S100Z: variants seen among roughly 807,000 people sequenced by gnomAD.
The protein encoded by S100Z is S100 calcium binding protein Z, also known as protein S100-Z.
Under a neutral mutation model 8.5 loss-of-function variants are expected in S100Z, and 11 were observed. That is an observed-to-expected ratio of 1.30 (90% confidence interval 0.82 to 2.15). The LOEUF is 2.15. Among genes scored for constraint, S100Z ranks in the 30% most tolerant of loss-of-function variants. The pLI is 0.00. For missense variants in S100Z, 126 were observed against 117.9 expected (o/e 1.07, Z -0.32); for synonymous variants, 34 against 43.8 (o/e 0.78, Z 0.89).
At chr5:76,866,115 T>TGCTCTGTCACCCAG (rs540182263) in intron 1 of S100Z, among the ~76,000 whole-genome samples, 2,837 of 151,840 alleles carry the variant, frequency 0.019, 96 homozygotes, top group African/African-American at 0.065. Flanking sequence ...GACAGGGTGT[T>TGCTCTGTCACCCAG]GCTCTGTCAC....
At chr5:76,866,352 T>C (rs13160667) in intron 1 of S100Z, among the ~76,000 whole-genome samples, 62,881 of 151,932 alleles carry the variant, frequency 0.41, 13,317 homozygotes, top group East Asian at 0.67. Flanking sequence ...CCCCAAGTGC[T>C]AGGATTACAG....
At chr5:76,856,593 C>G (rs1468822426) in intron 1 of S100Z, among the ~76,000 whole-genome samples, 1 of 152,190 alleles carries the variant, frequency 6.6e-6, no homozygotes, top group Non-Finnish European at 1.5e-5. Context: ...AGTATTGTAA[C>G]TAGTATAGCC....
the S100Z span, among the ~76,000 whole-genome samples, chr5:76,948,619 C>G: frequency 6.6e-6 from 1 of 151,906 alleles, no homozygotes; most frequent in African/African-American, 2.4e-5. Context: ...AAATCAAATC[C>G]ACGACGAGAC....
chr5:76,858,251 G>A (rs1403859264), intron 1 of S100Z, among the ~76,000 whole-genome samples: 1 of 152,124 alleles, frequency 6.6e-6, no homozygotes, highest in Non-Finnish European at 1.5e-5. Context: ...GGCTAAGTGC[G>A]GTGGCTCACA....
chr5:76,920,056 C>T (rs1286583202), intron 4 of S100Z, among the ~76,000 whole-genome samples: 3 of 151,900 alleles, frequency 2.0e-5, no homozygotes, highest in Non-Finnish European at 2.9e-5. Context: ...ATTACAGGTG[C>T]CCACCACCAT....
intron 4 of S100Z, among the ~76,000 whole-genome samples, chr5:76,896,043 C>T (rs909326553): frequency 2.0e-5 from 3 of 152,084 alleles, no homozygotes; most frequent in African/African-American, 7.2e-5. Context: ...ATTACAGGTG[C>T]GAGCCACCAG....
At chr5:76,865,940 G>A (rs989858987) in intron 1 of S100Z, among the ~76,000 whole-genome samples, 4 of 151,126 alleles carry the variant, frequency 2.6e-5, no homozygotes, top group African/African-American at 4.9e-5. Context: ...ACTTGAACCC[G>A]GGAAGCAGAG....
chr5:76,878,415 C>T (rs1743276929), intron 4 of S100Z, among the ~76,000 whole-genome samples: 1 of 152,186 alleles, frequency 6.6e-6, no homozygotes, highest in Non-Finnish European at 1.5e-5. Flanking sequence ...TCCTTTGCCC[C>T]TTGGGTTGGA....
At chr5:76,850,845 G>GT (rs1175511278) in intron 1 of S100Z, among the ~76,000 whole-genome samples, 7 of 152,068 alleles carry the variant, frequency 4.6e-5, no homozygotes, top group African/African-American at 1.7e-4. Flanking sequence ...CTGAGATGGA[G>GT]TTTCACTCTG....
the S100Z span, among the ~76,000 whole-genome samples, chr5:76,926,728 C>T: frequency 1.3e-5 from 2 of 152,278 alleles, no homozygotes; most frequent in East Asian, 1.9e-4. Context: ...AGAACAGGCT[C>T]GTGAAGCCCA....
chr5:76,950,537 CAAAA>C, the S100Z span, among the ~76,000 whole-genome samples: 1 of 152,094 alleles, frequency 6.6e-6, no homozygotes, highest in Non-Finnish European at 1.5e-5. Flanking sequence ...TCCTACCTAA[CAAAA>C]AGAAAGTATT....
chr5:76,859,768 C>A (rs867190747), intron 1 of S100Z, among the ~76,000 whole-genome samples: 20 of 97,642 alleles, frequency 2.0e-4, no homozygotes, highest in African/African-American at 3.1e-4. Flanking sequence ...GCAACAGAGC[C>A]AAAAAAAAAA....
At chr5:76,942,549 C>T in the S100Z span, among the ~76,000 whole-genome samples, 1 of 151,768 alleles carries the variant, frequency 6.6e-6, no homozygotes, top group African/African-American at 2.4e-5. Flanking sequence ...GTTAAAATGT[C>T]AGCATTGAAA....
chr5:76,869,550 G>A (rs1005471785), intron 1 of S100Z, among the ~76,000 whole-genome samples: 2 of 152,136 alleles, frequency 1.3e-5, no homozygotes, highest in African/African-American at 2.4e-5. Context: ...CAGGAGCGTG[G>A]GTGTTGATTT....
intron 1 of S100Z, among the ~76,000 whole-genome samples, chr5:76,864,504 C>T (rs773478157): frequency 1.4e-5 from 2 of 139,580 alleles, no homozygotes; most frequent in Non-Finnish European, 3.0e-5. Context: ...TGGGCTCAAG[C>T]AATCCTAACA....
intron 1 of S100Z, among the ~76,000 whole-genome samples, chr5:76,867,127 G>A (rs144243586): frequency 6.6e-6 from 1 of 152,184 alleles, no homozygotes; most frequent in East Asian, 1.9e-4. Context: ...TAAACTGCAC[G>A]TATTTAAAAT....
intron 4 of S100Z, among the ~76,000 whole-genome samples, chr5:76,915,696 C>T (rs914249120): frequency 6.6e-6 from 1 of 151,938 alleles, no homozygotes. Context: ...TCAATAGTTA[C>T]ATTAAATGTA....
chr5:76,885,429 A>G (rs1477612075), intron 4 of S100Z, among the ~76,000 whole-genome samples: 112 of 48,324 alleles, frequency 2.3e-3, no homozygotes, highest in South Asian at 3.8e-3. Context: ...AAGTGGGAAC[A>G]GGGTGGGAGG....
At chr5:76,944,691 A>C in the S100Z span, among the ~76,000 whole-genome samples, 3 of 152,288 alleles carry the variant, frequency 2.0e-5, no homozygotes, top group African/African-American at 7.2e-5. Context: ...CTGTCACTGC[A>C]CGTAGCTGGC....
Sources: allele counts gnomAD v4.1 joint callset (sites outside exome capture counted in the v4.1 genomes callset), GRCh38; gene constraint gnomAD v4.1.1; transcripts MANE v1.5; gene names NCBI Gene and HGNC (gene_info 2026-07-23, HGNC 2026-07-21).